IPMK: variants seen among roughly 807,000 people sequenced by gnomAD.
IPMK encodes the protein inositol 1,3,4,6-tetrakisphosphate 5-kinase.
IPMK carries 17 observed loss-of-function variants against 45.8 expected under a neutral mutation model. The observed-to-expected ratio is 0.37, with a 90% CI of 0.25 to 0.56. The LOEUF (loss-of-function observed/expected upper bound fraction) is 0.56. IPMK is among the 20% of genes least tolerant of loss of function. IPMK has a pLI of 0.79. For synonymous variants in IPMK, 180 were observed against 184.3 expected (o/e 0.98, Z 0.19); for missense variants, 399 against 498.0 (o/e 0.80, Z 1.89).
At chr10:58,227,022 T>C (rs777035965) in intron 3 of IPMK, 21 bp downstream of exon 3, 4 of 1,540,958 alleles carry the variant, frequency 2.6e-6, no homozygotes, top group South Asian at 1.1e-5. Context: ...AACTGAAAGA[T>C]AATTTTTATG....
intron 1 of IPMK, among the ~76,000 whole-genome samples, chr10:58,242,616 A>T (rs1291617349): frequency 6.6e-6 from 1 of 152,226 alleles, no homozygotes; most frequent in Non-Finnish European, 1.5e-5. Flanking sequence ...TCAACCAAGG[A>T]GAGAATCAGT....
At chr10:58,216,357 A>G (rs1838244668) in intron 3 of IPMK, 40 bp from the exon 4 acceptor site, 2 of 941,352 alleles carry the variant, frequency 2.1e-6, no homozygotes, top group Non-Finnish European at 3.0e-6. Flanking sequence ...ATAGGCAAAC[A>G]TATTACTACT....
intron 1 of IPMK, among the ~76,000 whole-genome samples, chr10:58,257,608 A>G (rs545776198): frequency 6.6e-6 from 1 of 152,362 alleles, no homozygotes; most frequent in South Asian, 2.1e-4. Flanking sequence ...TTCTAAAAGT[A>G]TTAAGAAACA....
intron 1 of IPMK, among the ~76,000 whole-genome samples, chr10:58,253,811 A>C (rs2132176048): frequency 2.0e-5 from 3 of 151,398 alleles, no homozygotes; most frequent in African/African-American, 7.3e-5. Context: ...TTGGAGGACA[A>C]TTTTCCTTCC....
intron 1 of IPMK, among the ~76,000 whole-genome samples, chr10:58,264,883 G>A (rs1487872659): frequency 1.3e-5 from 2 of 152,128 alleles, no homozygotes; most frequent in African/African-American, 4.8e-5. Flanking sequence ...CCGCGCTAAT[G>A]TGTTTATGTA....
Position 58,192,328 on chromosome 10 carries a change from AT to A in IPMK, c.*3747del, listed in dbSNP as rs1837830277. 1 of 152,024 alleles carries A rather than the reference AT, an allele frequency of 6.6e-6. No individual in the cohort carries two copies. Among genetic ancestry groups the A allele is most frequent in the Admixed American group, 6.6e-5 (1 of 15,248 alleles). The allele number at this position is 152,024 out of a possible 1,614,324, so 9.4% of individuals were successfully genotyped here. On this transcript the variant is annotated 3_prime_UTR_variant, in exon 6 of 6. Transcript: ENST00000373935. Reference sequence around the variant, plus strand: ...CATTTGCTTGGGAATATGTAATGGAATGTTTTTCACAGTAATGTTTATGTTA... The same window carrying A: ...CATTTGCTTGGGAATATGTAATGGAAGTTTTTCACAGTAATGTTTATGTTA...
intron 1 of IPMK, among the ~76,000 whole-genome samples, chr10:58,242,477 A>AG (rs1397184288): frequency 4.6e-5 from 3 of 65,126 alleles, no homozygotes; most frequent in Admixed American, 1.2e-4. Context: ...AAAAAAAAAG[A>AG]AAAGAAAACA....
intron 1 of IPMK, among the ~76,000 whole-genome samples, chr10:58,252,219 TAAC>T (rs1180933644): frequency 6.6e-6 from 1 of 152,226 alleles, no homozygotes; most frequent in Non-Finnish European, 1.5e-5. Flanking sequence ...TTTAAACTGA[TAAC>T]AACTCAATGT....
At chr10:58,252,915 T>A (rs1838906690) in intron 1 of IPMK, among the ~76,000 whole-genome samples, 1 of 150,788 alleles carries the variant, frequency 6.6e-6, no homozygotes, top group Non-Finnish European at 1.5e-5. Flanking sequence ...CCCGGCCACA[T>A]CCATGAGGTT....
intron 4 of IPMK, among the ~76,000 whole-genome samples, chr10:58,210,629 C>G (rs761850243): frequency 6.6e-6 from 1 of 152,154 alleles, no homozygotes; most frequent in African/African-American, 2.4e-5. Flanking sequence ...GGAGTACCTA[C>G]GAGGCTGTTC....
chr10:58,261,107 T>TTA (rs1554825806), intron 1 of IPMK, among the ~76,000 whole-genome samples: 1 of 139,468 alleles, frequency 7.2e-6, no homozygotes, highest in Non-Finnish European at 1.5e-5. Flanking sequence ...GGCTGAGCTA[T>TTA]AAAAAAAAAA....
intron 1 of IPMK, among the ~76,000 whole-genome samples, chr10:58,255,516 G>T (rs1226242792): frequency 6.6e-6 from 1 of 152,102 alleles, no homozygotes; most frequent in East Asian, 1.9e-4. Context: ...ATTCTCCCCT[G>T]GGCTCTGGTG....
At chr10:58,208,426 T>C (rs1202208037) in intron 4 of IPMK, among the ~76,000 whole-genome samples, 3 of 152,214 alleles carry the variant, frequency 2.0e-5, no homozygotes, top group African/African-American at 7.2e-5. Flanking sequence ...TTACCAGAAT[T>C]AGTTTTCTAA....
intron 4 of IPMK, among the ~76,000 whole-genome samples, chr10:58,209,022 T>C (rs1838117064): frequency 6.6e-6 from 1 of 152,180 alleles, no homozygotes; most frequent in Admixed American, 6.5e-5. Context: ...ACTCCTATAC[T>C]AGTGTTTCAG....
intron 4 of IPMK, among the ~76,000 whole-genome samples, chr10:58,211,923 A>AAAAAAAAAAG: frequency 6.6e-6 from 1 of 150,858 alleles, no homozygotes; most frequent in African/African-American, 2.4e-5. Flanking sequence ...AAAAAAAAAA[A>AAAAAAAAAAG]AATTTGTTTT....
chr10:58,200,587 G>A (rs1173489713), intron 4 of IPMK, among the ~76,000 whole-genome samples: 1 of 152,152 alleles, frequency 6.6e-6, no homozygotes, highest in Non-Finnish European at 1.5e-5. Context: ...TGAGAATTTA[G>A]TATATGATAA....
chr10:58,228,243 C>T (rs1235409551), intron 2 of IPMK, among the ~76,000 whole-genome samples: 1 of 151,990 alleles, frequency 6.6e-6, no homozygotes, highest in Non-Finnish European at 1.5e-5. Context: ...GTGTACTGAT[C>T]TAAAGAACTC....
chr10:58,228,755 G>C (rs942538651), intron 2 of IPMK, among the ~76,000 whole-genome samples: 7 of 152,142 alleles, frequency 4.6e-5, no homozygotes, highest in Non-Finnish European at 1.0e-4. Flanking sequence ...GGATGGTCTC[G>C]ATCTCCTGAC....
At chr10:58,215,166 A>T (rs1838225568) in intron 4 of IPMK, among the ~76,000 whole-genome samples, 1 of 152,190 alleles carries the variant, frequency 6.6e-6, no homozygotes, top group Non-Finnish European at 1.5e-5. Flanking sequence ...ACTTCCTGAC[A>T]CAAGAACAAT....
Sources: allele counts gnomAD v4.1 joint callset (sites outside exome capture counted in the v4.1 genomes callset), GRCh38; gene constraint gnomAD v4.1.1; transcripts MANE v1.5; gene names NCBI Gene and HGNC (gene_info 2026-07-23, HGNC 2026-07-21).